The following KHDC1 variants were observed in gnomAD, a reference collection of about 807,000 sequenced individuals.
KHDC1 encodes the protein KH homology domain-containing protein 1.
Under a neutral mutation model 24.7 loss-of-function variants are expected in KHDC1, and 21 were observed. The observed-to-expected ratio is 0.85, with a 90% CI of 0.60 to 1.23. KHDC1 has a LOEUF of 1.23. Ranked by LOEUF, KHDC1 falls within the 50% of genes most tolerant of loss-of-function variation. KHDC1 has a pLI of 0.00. For synonymous variants in KHDC1, 98 were observed against 111.7 expected (o/e 0.88, Z 0.77); for missense variants, 274 against 298.5 (o/e 0.92, Z 0.61).
At chr6:73,242,274 C>A in intron 3 of KHDC1, 37 bp from the exon 3 acceptor site, 1 of 1,605,922 alleles carries the variant, frequency 6.2e-7, no homozygotes, top group South Asian at 1.1e-5. Context: ...TTCTGTCAAG[C>A]ACCAGCCCTT....
chr6:73,296,649 T>C lies in KHDC1; in HGVS notation c.164-4609A>G, dbSNP rs576117228. On this transcript the variant is annotated intron_variant, in intron 1 of 4. Transcript: ENST00000370384. ...TCAAACTTTTTTTATTATACACTCCTGGCATATGTAACATTCAGATAGTTC... is the reference window on the plus strand; with the variant it reads ...TCAAACTTTTTTTATTATACACTCCCGGCATATGTAACATTCAGATAGTTC... Among the ~76,000 whole-genome samples the C allele has an allele frequency of 2.6e-5, 4 of 152,326 alleles. No individual in the cohort carries two copies. In the East Asian group the frequency reaches 7.7e-4, roughly 29 times the overall value.
In KHDC1 at chr6:73,254,632, T is replaced by C. The variant is rs181705409; in HGVS notation, c.207-12102A>G. ...CTAAAGAGTGTATTGTATGATGCTATCTATACAGAAAAAAGAAGAAAAGAA... is the reference window on the plus strand; with the variant it reads ...CTAAAGAGTGTATTGTATGATGCTACCTATACAGAAAAAAGAAGAAAAGAA... On this transcript the variant is annotated intron_variant, in intron 2 of 4. Coordinates refer to ENST00000370384, the Ensembl canonical transcript of KHDC1. Among the ~76,000 whole-genome samples, 172 of 152,172 alleles carry C rather than the reference T, an allele frequency of 1.1e-3. No homozygotes were observed. In the East Asian group the frequency reaches 0.016, roughly 14 times the overall value.
At chr6:73,288,303 CA>C (rs1783029501) in intron 2 of KHDC1, among the ~76,000 whole-genome samples, 1 of 152,146 alleles carries the variant, frequency 6.6e-6, no homozygotes, top group Non-Finnish European at 1.5e-5. Flanking sequence ...TATTCTCTTC[CA>C]TCCCTATCAG....
At chr6:73,263,067 G>GGCAGCGGCA (rs1767013546) in intron 2 of KHDC1, 1 of 108,764 alleles carries the variant, frequency 9.2e-6, no homozygotes, top group African/African-American at 4.3e-5. Context: ...CGGCGGCGGC[G>GGCAGCGGCA]GCAGCGGCGG....
intron 2 of KHDC1, among the ~76,000 whole-genome samples, chr6:73,259,770 A>C (rs1291710279): frequency 1.3e-5 from 2 of 152,176 alleles, no homozygotes; most frequent in African/African-American, 4.8e-5. Flanking sequence ...TTGAGACATC[A>C]ATCTCTTTTG....
At chr6:73,282,634 A>G (rs1767435989) in intron 2 of KHDC1, among the ~76,000 whole-genome samples, 1 of 152,072 alleles carries the variant, frequency 6.6e-6, no homozygotes, top group Admixed American at 6.6e-5. Flanking sequence ...CCCTCCCTAA[A>G]CTGCTCTTAA....
At chr6:73,292,926 T>G (rs967188318) in intron 1 of KHDC1, 2 of 834,412 alleles carry the variant, frequency 2.4e-6, no homozygotes, top group Non-Finnish European at 4.0e-6. Context: ...GTGGCTTGTC[T>G]TAAGGATTTC....
chr6:73,261,397 C>T (rs1766976444), intron 2 of KHDC1, among the ~76,000 whole-genome samples: 1 of 151,966 alleles, frequency 6.6e-6, no homozygotes, highest in Non-Finnish European at 1.5e-5. Flanking sequence ...GAGCTAAGAT[C>T]ACGCCACTGC....
At chr6:73,307,297 G>C (rs371093678) in intron 1 of KHDC1, among the ~76,000 whole-genome samples, 2 of 151,730 alleles carry the variant, frequency 1.3e-5, no homozygotes, top group Admixed American at 6.6e-5. Flanking sequence ...GCGTGATGCC[G>C]GGCGCCTGTA....
At chr6:73,280,566 G>A (rs1767384890) in intron 2 of KHDC1, among the ~76,000 whole-genome samples, 1 of 147,422 alleles carries the variant, frequency 6.8e-6, no homozygotes, top group East Asian at 2.0e-4. Context: ...TGTTGCCCAG[G>A]CTGGAGTACA....
chr6:73,287,009 AGT>A (rs1328651275), intron 2 of KHDC1, among the ~76,000 whole-genome samples: 2 of 152,216 alleles, frequency 1.3e-5, no homozygotes, highest in Non-Finnish European at 2.9e-5. Context: ...GCCCACACTA[AGT>A]GAGGTAGAAA....
chr6:73,277,784 T>G (rs1200299738), intron 2 of KHDC1, among the ~76,000 whole-genome samples: 6 of 151,484 alleles, frequency 4.0e-5, no homozygotes, highest in African/African-American at 1.5e-4. Flanking sequence ...AGAGGATCAC[T>G]TGGGCCTGGA....
At chr6:73,266,832 GA>G (rs1193641234) in intron 2 of KHDC1, among the ~76,000 whole-genome samples, 1 of 152,112 alleles carries the variant, frequency 6.6e-6, no homozygotes, top group African/African-American at 2.4e-5. Context: ...CACAGAATGA[GA>G]AAAAAATATT....
At chr6:73,269,819 G>T (rs1402770396) in intron 2 of KHDC1, 2 of 152,234 alleles carry the variant, frequency 1.3e-5, no homozygotes, top group East Asian at 1.9e-4. Flanking sequence ...CCAGGCTGGA[G>T]TGCAGTGGTG....
intron 2 of KHDC1, among the ~76,000 whole-genome samples, chr6:73,245,194 C>T (rs1015075140): frequency 6.6e-6 from 1 of 152,098 alleles, no homozygotes; most frequent in African/African-American, 2.4e-5. Context: ...TACTTGGTGT[C>T]AGCAGCTTGA....
intron 2 of KHDC1, among the ~76,000 whole-genome samples, chr6:73,272,904 G>A (rs1188546199): frequency 2.7e-5 from 4 of 146,986 alleles, no homozygotes; most frequent in Admixed American, 6.8e-5. Context: ...TGTCACCCAG[G>A]CTGGAGTGCA....
chr6:73,258,691 C>A (rs111891736), intron 2 of KHDC1, among the ~76,000 whole-genome samples: 1 of 152,122 alleles, frequency 6.6e-6, no homozygotes, highest in African/African-American at 2.4e-5. Flanking sequence ...AACTCTGAAA[C>A]CTAGATTCAA....
chr6:73,249,727 G>A (rs1372481290), intron 2 of KHDC1, among the ~76,000 whole-genome samples: 1 of 152,104 alleles, frequency 6.6e-6, no homozygotes, highest in Non-Finnish European at 1.5e-5. Flanking sequence ...TGATGGTAGA[G>A]GGGTTTTTAT....
chr6:73,277,988 TTC>T (rs70994181), intron 2 of KHDC1, among the ~76,000 whole-genome samples: 12 of 111,572 alleles, frequency 1.1e-4, no homozygotes, highest in South Asian at 9.8e-4. Flanking sequence ...TGTAGATGCT[TTC>T]TCTCTCTCTC....
Sources: allele counts gnomAD v4.1 joint callset (sites outside exome capture counted in the v4.1 genomes callset), GRCh38; gene constraint gnomAD v4.1.1; transcripts MANE v1.5; gene names NCBI Gene and HGNC (gene_info 2026-07-23, HGNC 2026-07-21).